Variants in CTNNA3 observed in about 807,000 individuals in gnomAD.
CTNNA3 encodes the protein catenin alpha 3.
In CTNNA3, 76 loss-of-function variants were observed where a neutral mutation model predicts 95.7. The ratio of observed to expected loss-of-function variants is 0.79; its 90% CI spans 0.66 to 0.96. The LOEUF (loss-of-function observed/expected upper bound fraction) is 0.96. Among genes scored for constraint, CTNNA3 ranks in the 40% least tolerant of loss-of-function variants. CTNNA3 has a pLI of 0.00. For synonymous variants in CTNNA3, 431 were observed against 374.4 expected, an observed-to-expected ratio of 1.15 and a Z score of -1.74; for missense variants, 1,191 against 1,089.8, an observed-to-expected ratio of 1.09 and a Z score of -1.31.
intron 3 of CTNNA3, among the ~76,000 whole-genome samples, chr10:67,559,207 C>T (rs949179138): frequency 1.3e-5 from 2 of 151,848 alleles, no homozygotes; most frequent in African/African-American, 4.8e-5. Flanking sequence ...TCTGACTCCT[C>T]ACCCCCGAGC....
At chr10:65,965,238 G>C (rs1053311235) in intron 17 of CTNNA3, among the ~76,000 whole-genome samples, 8 of 151,976 alleles carry the variant, frequency 5.3e-5, no homozygotes, top group African/African-American at 1.9e-4. Context: ...ACCTTTGAAG[G>C]TAAACTCAAC....
intron 16 of CTNNA3, among the ~76,000 whole-genome samples, chr10:65,972,183 A>C (rs1307454380): frequency 6.6e-6 from 1 of 152,108 alleles, no homozygotes; most frequent in Non-Finnish European, 1.5e-5. Context: ...GCCATCTAAG[A>C]GAAACCACAG....
intron 3 of CTNNA3, among the ~76,000 whole-genome samples, chr10:67,594,877 C>A (rs940073833): frequency 2.0e-5 from 3 of 151,980 alleles, no homozygotes; most frequent in African/African-American, 7.2e-5. Context: ...TATCCCTCAC[C>A]CCACCTCCCA....
chr10:67,111,439 G>T (rs1858904362), intron 7 of CTNNA3, among the ~76,000 whole-genome samples: 1 of 151,870 alleles, frequency 6.6e-6, no homozygotes, highest in Non-Finnish European at 1.5e-5. Flanking sequence ...AAATCCTTTG[G>T]CATTTTTCAT....
intron 17 of CTNNA3, among the ~76,000 whole-genome samples, chr10:65,933,072 TCCC>T (rs2077279798): frequency 6.6e-6 from 1 of 152,144 alleles, no homozygotes; most frequent in Non-Finnish European, 1.5e-5. Context: ...CACTTTAGAT[TCCC>T]TGGGTTTTGT....
At chr10:67,600,674 T>C (rs1290510873) in intron 3 of CTNNA3, among the ~76,000 whole-genome samples, 2 of 152,218 alleles carry the variant, frequency 1.3e-5, no homozygotes, top group Non-Finnish European at 2.9e-5. Flanking sequence ...TGGGCATATG[T>C]ATACCTTATG....
Position 66,040,282 on chromosome 10 carries a change from T to C in CTNNA3, c.2159+29026A>G, listed in dbSNP as rs2079658195. 2.6e-5 allele frequency among the ~76,000 whole-genome samples: 4 copies of C among 151,578 alleles called. 1 individual carries two copies. The South Asian group carries it at 8.3e-4, about 32-fold the overall frequency. ...ATGCTTATACACTATTGGGTGGGAG[T>C]GTAAATTAGTGCAAGTATTATGGAA... On this transcript the variant is annotated intron_variant, in intron 15 of 17. Transcript: ENST00000433211.
intron 5 of CTNNA3, among the ~76,000 whole-genome samples, chr10:67,357,419 G>A (rs1842848045): frequency 6.6e-6 from 1 of 151,834 alleles, no homozygotes; most frequent in South Asian, 2.1e-4. Flanking sequence ...AAAGCACAAG[G>A]CTTCATATAT....
intron 3 of CTNNA3, among the ~76,000 whole-genome samples, chr10:67,557,792 C>T (rs1841311936): frequency 6.6e-6 from 1 of 152,214 alleles, no homozygotes; most frequent in African/African-American, 2.4e-5. Context: ...CCAAGAACAA[C>T]TTCTAATGCC....
intron 1 of CTNNA3, among the ~76,000 whole-genome samples, chr10:67,719,008 A>G (rs944711724): frequency 1.3e-5 from 2 of 152,098 alleles, no homozygotes; most frequent in African/African-American, 4.8e-5. Context: ...TCAGGGATTC[A>G]ACTTCTTCCT....
At chr10:66,111,624 T>A (rs1268841659) in intron 13 of CTNNA3, among the ~76,000 whole-genome samples, 1 of 152,160 alleles carries the variant, frequency 6.6e-6, no homozygotes, top group Non-Finnish European at 1.5e-5. Flanking sequence ...GGTAAGAATA[T>A]TAGATGGAGA....
intron 7 of CTNNA3, among the ~76,000 whole-genome samples, chr10:67,134,416 T>C (rs1425617745): frequency 1.3e-5 from 2 of 152,120 alleles, no homozygotes; most frequent in African/African-American, 4.8e-5. Context: ...AAGGAATGTA[T>C]ATTACTGCAG....
At position 66,927,789 on chromosome 10, in the gene CTNNA3, A is replaced by AT; in HGVS notation, c.1048-152266dup. 1 of 1,614,180 alleles carries AT rather than the reference A, an allele frequency of 6.2e-7. No individual in the cohort carries two copies. Reference sequence around the variant, plus strand: ...TCAACCTGGATTCCAACAAGCTCACATTTATTGGTCAAGAGATTTTGGATT... The same window carrying AT: ...TCAACCTGGATTCCAACAAGCTCACATTTTATTGGTCAAGAGATTTTGGATT... On this transcript the variant is annotated intron_variant, in intron 7 of 17. Coordinates refer to ENST00000433211, the MANE Select transcript of CTNNA3 (RefSeq NM_013266.4). This position sits in a 1 kb window ranked among gnomAD's most constrained non-coding sequence, Gnocchi z 4.7.
intron 7 of CTNNA3, among the ~76,000 whole-genome samples, chr10:67,022,549 A>C (rs575148096): frequency 9.8e-5 from 15 of 152,316 alleles, no homozygotes; most frequent in Middle Eastern, 3.4e-3. Flanking sequence ...CTATGCCTTC[A>C]AAAAAGTGAA....
intron 11 of CTNNA3, among the ~76,000 whole-genome samples, chr10:66,409,079 A>C (rs2093079624): frequency 6.6e-6 from 1 of 152,158 alleles, no homozygotes; most frequent in South Asian, 2.1e-4. Context: ...GTCCACTTCT[A>C]TTGACATTTT....
intron 11 of CTNNA3, among the ~76,000 whole-genome samples, chr10:66,448,721 G>T (rs2093442103): frequency 1.3e-5 from 2 of 151,934 alleles, no homozygotes; most frequent in Non-Finnish European, 2.9e-5. Context: ...AGATATATCT[G>T]ATGTTAAATG....
chr10:67,536,563 A>G (rs984855000), intron 4 of CTNNA3, among the ~76,000 whole-genome samples: 1 of 152,164 alleles, frequency 6.6e-6, no homozygotes, highest in Non-Finnish European at 1.5e-5. Context: ...AGAAGCTAAT[A>G]TTGTCATAAA....
intron 1 of CTNNA3, among the ~76,000 whole-genome samples, chr10:67,692,736 T>TTA (rs779353642): frequency 1.4e-4 from 11 of 80,834 alleles, no homozygotes; most frequent in African/African-American, 5.1e-4. Flanking sequence ...GAATGATCAA[T>TTA]AAAAAAAAAA....
intron 15 of CTNNA3, among the ~76,000 whole-genome samples, chr10:65,997,294 C>T (rs2133353520): frequency 6.6e-6 from 1 of 152,230 alleles, no homozygotes; most frequent in Admixed American, 6.5e-5. Context: ...TGAATTAGGC[C>T]TGAGGACAAT....
Sources: allele counts gnomAD v4.1 joint callset (sites outside exome capture counted in the v4.1 genomes callset), GRCh38; gene constraint gnomAD v4.1.1; non-coding constraint Gnocchi (gnomAD v3.1); transcripts MANE v1.5; gene names NCBI Gene and HGNC (gene_info 2026-07-23, HGNC 2026-07-21).